Variants in AK9 observed in about 807,000 individuals in gnomAD.
The protein encoded by AK9 is adenylate kinase domain containing 1.
Under a neutral mutation model 239.6 loss-of-function variants are expected in AK9, and 191 were observed. That is an observed-to-expected ratio of 0.80 (90% CI 0.71 to 0.90). The LOEUF (loss-of-function observed/expected upper bound fraction) is 0.90, where lower values mean the gene tolerates loss of function less well. Among genes scored for constraint, AK9 ranks in the 40% least tolerant of loss-of-function variants. AK9 has a pLI of 0.00. For missense variants in AK9, 1,995 were observed against 2,214.7 expected, an observed-to-expected ratio of 0.90 and a Z score of 1.99; for synonymous variants, 689 against 721.0, an observed-to-expected ratio of 0.96 and a Z score of 0.71.
chr6:109,662,670 A>T lies in AK9; in HGVS notation c.332-7T>A. On this transcript the variant is annotated splice_region_variant and splice_polypyrimidine_tract_variant and intron_variant, in intron 5 of 40. Transcript: ENST00000424296. ...ATTTCAGTGATAATATAACCTGTAA[A>T]GTAAAATATAATTTTAAAACTTTTA... 6.9e-7 allele frequency: 1 copy of T among 1,439,568 alleles called. No individual in the cohort carries two copies. Among genetic ancestry groups the T allele is most frequent in the Non-Finnish European group, 9.2e-7 (1 of 1,085,796 alleles). The allele number at this position is 1,439,568 out of a possible 1,614,324, so 89.2% of individuals were successfully genotyped here. A position where few individuals can be genotyped will look rare whatever the true frequency, so the allele number is the denominator to read the frequency against.
In AK9 at chr6:109,576,420, C is replaced by CTTTT. The variant is rs3060763; in HGVS notation, c.2192-2830_2192-2827dup. On this transcript the variant is annotated intron_variant, in intron 20 of 40. Transcript: ENST00000424296. ...GGTTAGGTGTATATACATATATATACTTTTTTTTTTTTTTTTTGCAGCTGT... is the reference window on the plus strand; with the variant it reads ...GGTTAGGTGTATATACATATATATACTTTTTTTTTTTTTTTTTTTTTGCAGCTGT... Among the ~76,000 whole-genome samples, 240 of 103,502 alleles carry CTTTT rather than the reference C, an allele frequency of 2.3e-3. 22 individuals are homozygous for CTTTT. Among genetic ancestry groups the CTTTT allele is most frequent in the Middle Eastern group, 0.014 (2 of 138 alleles). The allele number at this position is 103,502 out of a possible 152,430, so 67.9% of individuals were successfully genotyped here. A position where few individuals can be genotyped will look rare whatever the true frequency, so the allele number is the denominator to read the frequency against.
intron 27 of AK9, among the ~76,000 whole-genome samples, chr6:109,536,290 T>C (rs1298385353): frequency 2.0e-5 from 3 of 152,188 alleles, no homozygotes; most frequent in African/African-American, 4.8e-5. Flanking sequence ...AGTTGAGCAG[T>C]GGTTTGTAGT....
chr6:109,641,160 C>T (rs1008982242), intron 10 of AK9, among the ~76,000 whole-genome samples: 1 of 134,572 alleles, frequency 7.4e-6, no homozygotes, highest in African/African-American at 2.7e-5. Context: ...TATATATATA[C>T]ATTTTTATAT....
chr6:109,548,958 CT>C (rs1379072221), intron 25 of AK9, among the ~76,000 whole-genome samples: 1 of 152,152 alleles, frequency 6.6e-6, no homozygotes, highest in Non-Finnish European at 1.5e-5. Flanking sequence ...ATGGCAACAG[CT>C]TTATTTTTTT....
At chr6:109,650,220 C>T (rs1045594028) in intron 8 of AK9, among the ~76,000 whole-genome samples, 7 of 151,434 alleles carry the variant, frequency 4.6e-5, no homozygotes, top group African/African-American at 1.2e-4. Context: ...GCAACAAAAG[C>T]CAAAATTGAC....
At chr6:109,572,525 G>A (rs1787553654) in intron 21 of AK9, among the ~76,000 whole-genome samples, 1 of 152,180 alleles carries the variant, frequency 6.6e-6, no homozygotes, top group African/African-American at 2.4e-5. Flanking sequence ...GAAGATGCTT[G>A]GGGCTTCAAT....
chr6:109,648,645 C>A (rs923376167), intron 8 of AK9, among the ~76,000 whole-genome samples: 2 of 152,148 alleles, frequency 1.3e-5, no homozygotes, highest in Admixed American at 6.5e-5. Flanking sequence ...GATTCACAGC[C>A]AAATTCTACC....
chr6:109,616,821 GA>G (rs1236717599), intron 13 of AK9, among the ~76,000 whole-genome samples: 3 of 152,012 alleles, frequency 2.0e-5, no homozygotes, highest in African/African-American at 7.2e-5. Context: ...AATTAGTCAA[GA>G]AAGGAAATAA....
Position 109,614,314 on chromosome 6 carries a change from T to C in AK9, c.1496-18A>G, listed in dbSNP as rs1457924053. On this transcript the variant is annotated intron_variant, in intron 14 of 40. Transcript: ENST00000424296. ...AATGTACCCTGCAATGAAAGAATAA[T>C]ATACTTTATCAGCTAATCTATTTAT... 1 of 1,549,964 alleles carries C rather than the reference T, an allele frequency of 6.5e-7. No individual in the cohort carries two copies. The highest frequency in any genetic ancestry group is 8.7e-7 in the Non-Finnish European group (1 of 1,145,658).
At chr6:109,621,920 AAAACAGAAAG>A (rs1794892787) in intron 12 of AK9, among the ~76,000 whole-genome samples, 1 of 132,470 alleles carries the variant, frequency 7.5e-6, no homozygotes, top group South Asian at 2.5e-4. Context: ...AAACAAAAAA[AAAACAGAAAG>A]AGAAATTCCA....
chr6:109,500,087 T>A (rs1582726599), intron 35 of AK9, among the ~76,000 whole-genome samples: 2 of 150,894 alleles, frequency 1.3e-5, no homozygotes, highest in African/African-American at 4.9e-5. Flanking sequence ...TATACCTGTG[T>A]ATACCCGCAC....
chr6:109,649,444 A>C (rs1583422742), intron 8 of AK9, among the ~76,000 whole-genome samples: 1 of 152,252 alleles, frequency 6.6e-6, no homozygotes, highest in East Asian at 1.9e-4. Context: ...CTTATACACC[A>C]ATAACAGAGA....
intron 33 of AK9, 110 bp from the exon 34 acceptor site, chr6:109,506,910 T>C: frequency 7.2e-7 from 1 of 1,387,300 alleles, no homozygotes; most frequent in Non-Finnish European, 9.4e-7. Flanking sequence ...ATGATTTTCC[T>C]TATGTAACTC....
intron 1 of AK9, among the ~76,000 whole-genome samples, chr6:109,689,680 G>A (rs964781583): frequency 6.6e-6 from 1 of 152,004 alleles, no homozygotes; most frequent in African/African-American, 2.4e-5. Flanking sequence ...CTGTTTCCTG[G>A]GATTACGTCT....
chr6:109,642,778 T>C (rs562849350), intron 9 of AK9, among the ~76,000 whole-genome samples: 7 of 152,046 alleles, frequency 4.6e-5, no homozygotes, highest in African/African-American at 1.7e-4. Context: ...GAGAAGCACA[T>C]TGGGGGCAGG....
In AK9 at chr6:109,506,657, T is replaced by C; in HGVS notation, c.4625A>G (p.Gln1542Arg). ...KRLLLEKENEQRLPYPLHNSA... is the reference protein window; with the variant it reads ...KRLLLEKENERRLPYPLHNSA... Reference sequence around the variant, plus strand: ...TTGTCTTCATCATGTACATTACCTTTGTTCATTTTCTTTTTCTAGGAGCAA... The same window carrying C: ...TTGTCTTCATCATGTACATTACCTTCGTTCATTTTCTTTTTCTAGGAGCAA... Residue 1542 changes from glutamine (Q) to arginine (R), a missense_variant, in exon 34 of 41, where the codon CAA (glutamine) becomes CGA (arginine). By Grantham distance (43) the Gln-to-Arg change is conservative. Transcript: ENST00000424296. 1 of 1,530,392 alleles carries C rather than the reference T, an allele frequency of 6.5e-7. No individual in the cohort carries two copies. The highest frequency in any genetic ancestry group is 8.8e-7 in the Non-Finnish European group (1 of 1,133,182). 94.8% of individuals were successfully genotyped at this position (1,530,392 alleles called of 1,614,324 possible).
At chr6:109,588,304 C>G (rs9386820) in intron 17 of AK9, among the ~76,000 whole-genome samples, 88,300 of 151,800 alleles carry the variant, frequency 0.58, 27,348 homozygotes, top group South Asian at 0.84. Context: ...CTCCTGACCT[C>G]GTGATCCGCC....
chr6:109,567,882 T>TAAAAA (rs71018349), intron 21 of AK9, among the ~76,000 whole-genome samples: 9 of 132,664 alleles, frequency 6.8e-5, no homozygotes, highest in Non-Finnish European at 8.1e-5. Context: ...TAAAGTAAAA[T>TAAAAA]AAAAAAAAAA....
intron 24 of AK9, among the ~76,000 whole-genome samples, chr6:109,552,202 A>AC (rs1784454165): frequency 6.6e-6 from 1 of 151,954 alleles, no homozygotes; most frequent in Non-Finnish European, 1.5e-5. Context: ...TTGTGTCTAT[A>AC]ATAAACACAA....
Sources: allele counts gnomAD v4.1 joint callset (sites outside exome capture counted in the v4.1 genomes callset), GRCh38; gene constraint gnomAD v4.1.1; transcripts MANE v1.5; gene names NCBI Gene and HGNC (gene_info 2026-07-23, HGNC 2026-07-21).